The following FAM241A variants were observed in gnomAD, a reference collection of about 807,000 sequenced individuals.
FAM241A encodes the protein uncharacterized protein FAM241A.
A neutral mutation model predicts 12.2 loss-of-function variants in FAM241A; 7 were observed. The observed-to-expected ratio is 0.58, with a 90% CI of 0.33 to 1.08. The LOEUF (loss-of-function observed/expected upper bound fraction) is 1.08. Ranked by LOEUF, FAM241A falls within the 50% of genes least tolerant of loss-of-function variation. FAM241A has a pLI of 0.04. For synonymous variants in FAM241A, 74 were observed against 68.2 expected (o/e 1.08, Z -0.42); for missense variants, 161 against 169.7 (o/e 0.95, Z 0.29).
chr4:112,174,223 A>C (rs933289912), intron 1 of FAM241A, among the ~76,000 whole-genome samples: 21 of 152,140 alleles, frequency 1.4e-4, no homozygotes, highest in Admixed American at 2.0e-4. Context: ...CCCTGCACTC[A>C]CTGTAGGGCA....
At chr4:112,168,544 A>G (rs1250861796) in intron 1 of FAM241A, among the ~76,000 whole-genome samples, 1 of 152,252 alleles carries the variant, frequency 6.6e-6, no homozygotes, top group African/African-American at 2.4e-5. Context: ...AAATTGTTAG[A>G]TTCATAAGTA....
intron 1 of FAM241A, among the ~76,000 whole-genome samples, chr4:112,166,987 G>A: frequency 9.4e-6 from 1 of 106,084 alleles, no homozygotes; most frequent in Non-Finnish European, 1.8e-5. Context: ...AGTGGCGGGC[G>A]CCTGTAGTCC....
intron 1 of FAM241A, among the ~76,000 whole-genome samples, chr4:112,170,248 C>G (rs553275404): frequency 6.6e-6 from 1 of 152,280 alleles, no homozygotes; most frequent in Admixed American, 6.5e-5. Flanking sequence ...TAAGCACATA[C>G]AGTAGTCCCC....
chr4:112,185,664 C>CT (rs779684608), intron 1 of FAM241A, among the ~76,000 whole-genome samples: 10 of 152,302 alleles, frequency 6.6e-5, no homozygotes, highest in Non-Finnish European at 1.3e-4. Context: ...ACTGATTTCT[C>CT]TGAGTTCAGA....
intron 1 of FAM241A, among the ~76,000 whole-genome samples, chr4:112,166,203 C>G (rs1048167202): frequency 6.6e-6 from 1 of 151,830 alleles, no homozygotes; most frequent in African/African-American, 2.4e-5. Context: ...TGCCCCCCAC[C>G]ACACCCGGCT....
At chr4:112,151,764 T>C (rs1723248687) in intron 1 of FAM241A, among the ~76,000 whole-genome samples, 1 of 152,244 alleles carries the variant, frequency 6.6e-6, no homozygotes. Flanking sequence ...AAGCCAATAG[T>C]TGTTCCCTAG....
chr4:112,162,392 A>AT (rs1190959204), intron 1 of FAM241A, among the ~76,000 whole-genome samples: 1 of 152,226 alleles, frequency 6.6e-6, no homozygotes, highest in Non-Finnish European at 1.5e-5. Flanking sequence ...AGATGGCATG[A>AT]TTATATATTT....
intron 1 of FAM241A, among the ~76,000 whole-genome samples, chr4:112,150,451 T>G (rs1723225485): frequency 6.6e-6 from 1 of 152,224 alleles, no homozygotes; most frequent in Non-Finnish European, 1.5e-5. Flanking sequence ...ATTATCCAGT[T>G]TATAGATAAA....
At chr4:112,146,544 T>G (rs2110417043) in intron 1 of FAM241A, among the ~76,000 whole-genome samples, 1 of 152,344 alleles carries the variant, frequency 6.6e-6, no homozygotes, top group Middle Eastern at 3.4e-3. Context: ...AAATACAGTA[T>G]TTAGACTTTC....
chr4:112,176,248 A>G (rs1578377662), intron 1 of FAM241A, among the ~76,000 whole-genome samples: 1 of 152,250 alleles, frequency 6.6e-6, no homozygotes, highest in African/African-American at 2.4e-5. Flanking sequence ...GGCATTAATT[A>G]TCTCAGGCAG....
At chr4:112,183,334 A>G (rs900269450) in intron 1 of FAM241A, among the ~76,000 whole-genome samples, 3 of 152,116 alleles carry the variant, frequency 2.0e-5, no homozygotes, top group African/African-American at 7.2e-5. Flanking sequence ...CAGCTTGCCC[A>G]GACCTGTCCT....
At chr4:112,180,020 TA>T (rs33967364) in intron 1 of FAM241A, among the ~76,000 whole-genome samples, 140,007 of 145,558 alleles carry the variant, frequency 0.96, 67,407 homozygotes, top group East Asian at 1. Flanking sequence ...TGCACAGCCC[TA>T]AAAAAAAAAC....
At chr4:112,180,015 A>T (rs1383892347) in intron 1 of FAM241A, among the ~76,000 whole-genome samples, 1 of 11,240 alleles carries the variant, frequency 8.9e-5, no homozygotes, top group Non-Finnish European at 1.4e-4. Context: ...AATACTGCAC[A>T]GCCCTAAAAA....
chr4:112,181,058 C>G (rs1010339737), intron 1 of FAM241A, among the ~76,000 whole-genome samples: 1 of 152,058 alleles, frequency 6.6e-6, no homozygotes, highest in African/African-American at 2.4e-5. Context: ...AGTCATTGTT[C>G]CAAAGTGGAT....
intron 1 of FAM241A, among the ~76,000 whole-genome samples, chr4:112,166,215 A>T (rs1723592182): frequency 6.6e-6 from 1 of 150,816 alleles, no homozygotes; most frequent in African/African-American, 2.4e-5. Context: ...CACCCGGCTA[A>T]TTTTTTTGTA....
Position 112,189,370 on chromosome 4 carries a change from C to CAAAAA in FAM241A, c.*2453_*2457dup, listed in dbSNP as rs542269288. ...TGGGTAACAGAGTGAGACCCCATCT[C>CAAAAA]AAAAAAAAAAAAAAAAAAAAAAAAA... is the stretch of plus-strand genomic sequence containing the variant. On this transcript the variant is annotated 3_prime_UTR_variant, in exon 2 of 2. Transcript: ENST00000309733. The CAAAAA allele has an allele frequency of 1.3e-5, 1 of 78,406 alleles. No individual in the cohort carries two copies. The highest frequency in any genetic ancestry group is 2.4e-5 in the Non-Finnish European group (1 of 41,194). 4.9% of individuals were successfully genotyped at this position (78,406 alleles called of 1,614,324 possible). A position where few individuals can be genotyped will look rare whatever the true frequency, so the allele number is the denominator to read the frequency against.
intron 1 of FAM241A, among the ~76,000 whole-genome samples, chr4:112,148,823 C>T (rs1168491414): frequency 6.6e-6 from 1 of 152,172 alleles, no homozygotes; most frequent in Non-Finnish European, 1.5e-5. Flanking sequence ...GGCTAAACAT[C>T]TCTAGTCCAT....
At chr4:112,183,985 A>G (rs1293207497) in intron 1 of FAM241A, among the ~76,000 whole-genome samples, 2 of 152,138 alleles carry the variant, frequency 1.3e-5, no homozygotes, top group African/African-American at 2.4e-5. Flanking sequence ...TTAGAAATCA[A>G]TTTTTTAAAA....
chr4:112,167,123 A>AAT (rs1553920928), intron 1 of FAM241A, among the ~76,000 whole-genome samples: 11 of 143,088 alleles, frequency 7.7e-5, no homozygotes, highest in African/African-American at 2.1e-4. Flanking sequence ...CAAAAAAAAA[A>AAT]AAAATAAAAA....
Sources: allele counts gnomAD v4.1 joint callset (sites outside exome capture counted in the v4.1 genomes callset), GRCh38; gene constraint gnomAD v4.1.1; transcripts MANE v1.5; gene names NCBI Gene and HGNC (gene_info 2026-07-23, HGNC 2026-07-21).